The following CBX1 variants were observed in gnomAD, a reference collection of about 807,000 sequenced individuals.
CBX1 encodes chromobox protein homolog 1.
Under a neutral mutation model 25.1 loss-of-function variants are expected in CBX1, and 10 were observed. The ratio of observed to expected loss-of-function variants is 0.40; its 90% CI spans 0.25 to 0.68. The LOEUF (loss-of-function observed/expected upper bound fraction) is 0.68. Among genes scored for constraint, CBX1 ranks in the 30% least tolerant of loss-of-function variants. The pLI is 0.40. For missense variants in CBX1, 106 were observed against 218.5 expected (o/e 0.49, Z 3.25); for synonymous variants, 63 against 79.4 (o/e 0.79, Z 1.10).
chr17:48,084,359 G>A (rs535846192), intron 1 of CBX1, among the ~76,000 whole-genome samples: 1 of 148,362 alleles, frequency 6.7e-6, no homozygotes, highest in Non-Finnish European at 1.5e-5. Flanking sequence ...GATTACAGGT[G>A]CGTGCCACCA....
intron 1 of CBX1, among the ~76,000 whole-genome samples, chr17:48,078,612 C>A (rs576306607): frequency 5.9e-5 from 9 of 151,744 alleles, no homozygotes; most frequent in South Asian, 2.1e-4. Flanking sequence ...GCCTCCACCT[C>A]CCGAGTAGTT....
intron 1 of CBX1, among the ~76,000 whole-genome samples, chr17:48,083,045 T>C (rs1598308651): frequency 1.3e-5 from 2 of 149,590 alleles, no homozygotes; most frequent in Admixed American, 6.6e-5. Flanking sequence ...TTTGTATCTT[T>C]AGTAGAGACA....
intron 1 of CBX1, among the ~76,000 whole-genome samples, chr17:48,096,931 T>C (rs2063378471): frequency 6.6e-6 from 1 of 151,696 alleles, no homozygotes; most frequent in South Asian, 2.1e-4. Flanking sequence ...TGCCTCTATT[T>C]ATGTGAGAAA....
chr17:48,084,002 T>G (rs1332340205), intron 1 of CBX1, among the ~76,000 whole-genome samples: 2 of 149,924 alleles, frequency 1.3e-5, no homozygotes, highest in African/African-American at 5.1e-5. Flanking sequence ...TTTAAAAAAT[T>G]TTGTTTAGAC....
chr17:48,093,144 TA>T (rs1407323679), intron 1 of CBX1, among the ~76,000 whole-genome samples: 1 of 144,694 alleles, frequency 6.9e-6, no homozygotes, highest in East Asian at 2.0e-4. Context: ...CAGGCGCCTG[TA>T]ATCCCAGCTA....
intron 1 of CBX1, among the ~76,000 whole-genome samples, chr17:48,082,501 C>CA (rs572999255): frequency 0.25 from 12,826 of 51,976 alleles, 1,647 homozygotes; most frequent in East Asian, 0.28. Flanking sequence ...GACTCCATCT[C>CA]AAAAAAAAAA....
At chr17:48,097,427 C>G (rs2144474929) in intron 1 of CBX1, among the ~76,000 whole-genome samples, 1 of 152,142 alleles carries the variant, frequency 6.6e-6, no homozygotes, top group East Asian at 1.9e-4. Flanking sequence ...CCAGCCTGGC[C>G]AACATGGCAA....
chr17:48,089,390 C>T (rs969893976), intron 1 of CBX1, among the ~76,000 whole-genome samples: 5 of 150,352 alleles, frequency 3.3e-5, no homozygotes, highest in African/African-American at 7.3e-5. Context: ...CATGAGCCAC[C>T]GCGCCTGGCC....
chr17:48,073,667 A>G (rs1403115762), intron 4 of CBX1, among the ~76,000 whole-genome samples: 4 of 152,024 alleles, frequency 2.6e-5, no homozygotes, highest in African/African-American at 9.7e-5. Context: ...TCTCTATGAA[A>G]AATACAAAAA....
intron 1 of CBX1, chr17:48,096,301 T>G (rs1409233340): frequency 1.0e-6 from 1 of 972,242 alleles, no homozygotes; most frequent in Non-Finnish European, 1.2e-6. Flanking sequence ...GAAAACCCCT[T>G]GAGTATGTTG....
Position 48,071,521 on chromosome 17 carries a change from G to A in CBX1, c.472C>T (p.Gln158Ter). ...PAKEANVKCP[Q>*]VVISFYEERL... The stretch of plus-strand genomic sequence containing the variant: ...TCCTCATAGAAGGATATGACAACCT[G>A]TGGGCACTTGACATTGGCTTCCTTG... The change falls in exon 5 of 5, where the codon CAG becomes TAG. Residue 158 changes from glutamine to a stop codon, truncating the protein, a stop_gained. Coordinates refer to ENST00000225603, the MANE Select transcript of CBX1 (RefSeq NM_001127228.2). LOFTEE classifies it high-confidence loss of function. The A allele has an allele frequency of 6.2e-7, 1 of 1,613,646 alleles. No homozygotes were observed. Among genetic ancestry groups the A allele is most frequent in the South Asian group, 1.1e-5 (1 of 91,052 alleles).
chr17:48,095,764 TC>T (rs2063371269), intron 1 of CBX1: 1 of 152,244 alleles, frequency 6.6e-6, no homozygotes, highest in Non-Finnish European at 1.5e-5. Context: ...CAGGTGGTAG[TC>T]TTGTTTCTAA....
Position 48,076,913 on chromosome 17 carries a change from A to G in CBX1, c.92T>C (p.Val31Ala). ...YVVEKVLDRR[V>A]VKGKVEYLLK... is the part of the protein sequence containing the mutation. The stretch of plus-strand genomic sequence containing the variant: ...GAGGTACTCCACTTTGCCCTTTACC[A>G]CTCGACGGTCGAGAACTTTTTCCAC... The change falls in exon 2 of 5, where the codon GTG becomes GCG. Residue 31 changes from valine (V) to alanine (A), a missense_variant. This residue lies in a region of CBX1 where 16 missense variants were observed against 37.9 expected (regional missense o/e 0.42). Transcript: ENST00000225603. 1.2e-6 allele frequency: 2 copies of G among 1,612,648 alleles called. No individual in the cohort carries two copies. The highest frequency in any genetic ancestry group is 1.7e-6 in the Non-Finnish European group (2 of 1,179,592).
chr17:48,082,042 G>A (rs897641546), intron 1 of CBX1, among the ~76,000 whole-genome samples: 7 of 152,036 alleles, frequency 4.6e-5, no homozygotes, highest in African/African-American at 4.8e-5. Flanking sequence ...CTTGAGCCCA[G>A]GAGTTTGAGA....
chr17:48,083,437 T>C (rs1268757336), intron 1 of CBX1, among the ~76,000 whole-genome samples: 3 of 150,718 alleles, frequency 2.0e-5, no homozygotes, highest in Non-Finnish European at 4.4e-5. Context: ...TCCTACTTAA[T>C]TTTTAGCTTT....
In CBX1 at chr17:48,071,378, T is replaced by C. The variant is rs933083597; in HGVS notation, c.*57A>G. The stretch of plus-strand genomic sequence containing the variant: ...ATGGTGTCAAGACAAGTAGAACTCC[T>C]TCCCTTCCCACTTGAAACCCACAGT... On this transcript the variant is annotated 3_prime_UTR_variant, in exon 5 of 5. Coordinates refer to ENST00000225603, the MANE Select transcript of CBX1 (RefSeq NM_001127228.2). The C allele has an allele frequency of 6.5e-6, 10 of 1,532,038 alleles. No individual in the cohort carries two copies. The African/African-American group carries it at 1.4e-4, about 21-fold the overall frequency. The allele number at this position is 1,532,038 out of a possible 1,614,324, so 94.9% of individuals were successfully genotyped here. A position where few individuals can be genotyped will look rare whatever the true frequency, so the allele number is the denominator to read the frequency against.
At position 48,076,136 on chromosome 17, in the gene CBX1, G is replaced by A. The variant is rs150201479; in HGVS notation, c.183C>T (p.Pro61=). 34 of 1,604,786 alleles carry A rather than the reference G, an allele frequency of 2.1e-5. No individual in the cohort carries two copies. The highest frequency in any genetic ancestry group is 1.1e-4 in the African/African-American group (8 of 74,770). The change falls in exon 3 of 5, where the codon CCC becomes CCT. Residue 61 remains proline, a synonymous_variant. Coordinates refer to ENST00000225603, the MANE Select transcript of CBX1 (RefSeq NM_001127228.2). Reference sequence around the variant, plus strand: ...ACTGCAGAAACTCAGCAATGAGGTCGGGGCAATCCAGGTTCTCTTCTGGCT... The same window carrying A: ...ACTGCAGAAACTCAGCAATGAGGTCAGGGCAATCCAGGTTCTCTTCTGGCT... The part of the protein sequence containing the change: ...TWEPEENLDC[P]DLIAEFLQSQ...
In CBX1 at chr17:48,070,813, AC is replaced by A. The variant is rs1389584519; in HGVS notation, c.*621del. ...GGTTTCAGACTTTCACAGCTTTTAAACAGTCTCTCACAGTCCTTATTTATGG... is the reference window on the plus strand; with the variant it reads ...GGTTTCAGACTTTCACAGCTTTTAAAAGTCTCTCACAGTCCTTATTTATGG... On this transcript the variant is annotated 3_prime_UTR_variant, in exon 5 of 5. Coordinates refer to ENST00000225603, the MANE Select transcript of CBX1 (RefSeq NM_001127228.2). 1.3e-5 allele frequency: 2 copies of A among 152,740 alleles called. No homozygotes were observed. Among genetic ancestry groups the A allele is most frequent in the African/African-American group, 2.4e-5 (1 of 41,574 alleles). 9.5% of individuals were successfully genotyped at this position (152,740 alleles called of 1,614,324 possible). A position where few individuals can be genotyped will look rare whatever the true frequency, so the allele number is the denominator to read the frequency against.
intron 1 of CBX1, among the ~76,000 whole-genome samples, chr17:48,095,164 C>G (rs1167760751): frequency 1.3e-5 from 2 of 152,164 alleles, no homozygotes; most frequent in African/African-American, 4.8e-5. Context: ...GAAGCCTACC[C>G]AACCTAGCTA....
Sources: gnomAD v4.1 joint callset for allele counts (sites outside exome capture counted in the v4.1 genomes callset) on GRCh38, gnomAD v4.1.1 for gene constraint, gnomAD v4.1.1 regional missense constraint, MANE v1.5 for transcripts, NCBI Gene and HGNC (gene_info 2026-07-23, HGNC 2026-07-21) for gene names.